The following ZNF254 variants were observed in gnomAD, a reference collection of about 807,000 sequenced individuals.
ZNF254 encodes zinc finger protein 254.
ZNF254 carries 10 observed loss-of-function variants against 12.4 expected under a neutral mutation model. The ratio of observed to expected loss-of-function variants is 0.80; its 90% CI spans 0.50 to 1.36. The LOEUF (loss-of-function observed/expected upper bound fraction) is 1.36. Ranked by LOEUF, ZNF254 falls within the 40% of genes most tolerant of loss-of-function variation. ZNF254 has a pLI of 0.00. For synonymous variants in ZNF254, 305 were observed against 253.4 expected (o/e 1.20, Z -1.93); for missense variants, 996 against 763.9 (o/e 1.30, Z -3.58).
At chr19:24,120,452 G>T (rs1171038247) in intron 3 of ZNF254, among the ~76,000 whole-genome samples, 2 of 151,980 alleles carry the variant, frequency 1.3e-5, no homozygotes. Context: ...ATTATTTTGT[G>T]TATTAACATT....
At chr19:24,122,372 C>A (rs1480002365) in intron 3 of ZNF254, among the ~76,000 whole-genome samples, 6 of 152,150 alleles carry the variant, frequency 3.9e-5, no homozygotes, top group East Asian at 1.9e-4. Context: ...TTACAGGTGA[C>A]CGCCATCATG....
intron 2 of ZNF254, among the ~76,000 whole-genome samples, chr19:24,081,666 C>T (rs898104920): frequency 4.6e-5 from 7 of 152,152 alleles, no homozygotes; most frequent in South Asian, 2.1e-4. Flanking sequence ...GCCTGTTCAG[C>T]ATAGAGGAGC....
chr19:24,068,055 G>A lies in ZNF254; in HGVS notation c.-94+21776G>A, dbSNP rs144983025. ...TTACATATCACTGCATCTGACATTA[G>A]GGGATGAGAGGCTTCTGCCTGGGCC... On this transcript the variant is annotated intron_variant, in intron 2 of 4. Transcript: ENST00000613065. Among the ~76,000 whole-genome samples, 1,208 of 152,282 alleles carry A rather than the reference G, an allele frequency of 7.9e-3. 19 individuals carry two copies. Among genetic ancestry groups the A allele is most frequent in the African/African-American group, 0.027 (1,132 of 41,566 alleles).
At chr19:24,125,564 C>T (rs986123555) in intron 3 of ZNF254, among the ~76,000 whole-genome samples, 2 of 151,918 alleles carry the variant, frequency 1.3e-5, no homozygotes, top group African/African-American at 4.8e-5. Flanking sequence ...ATGGCATATT[C>T]TGAAAACAAT....
At chr19:24,121,456 G>A (rs1447841195) in intron 3 of ZNF254, among the ~76,000 whole-genome samples, 10 of 151,984 alleles carry the variant, frequency 6.6e-5, no homozygotes, top group Admixed American at 6.6e-4. Context: ...ATTTAACTTT[G>A]TACAATTTAA....
intron 2 of ZNF254, among the ~76,000 whole-genome samples, chr19:24,063,016 G>A (rs1314762779): frequency 6.8e-6 from 1 of 147,458 alleles, no homozygotes; most frequent in Non-Finnish European, 1.5e-5. Context: ...GGTCAGGCTG[G>A]TCTTGAACTC....
chr19:24,114,685 A>G (rs1028663156), intron 3 of ZNF254, among the ~76,000 whole-genome samples: 3 of 138,912 alleles, frequency 2.2e-5, no homozygotes, highest in Admixed American at 7.2e-5. Context: ...AATGGGATCT[A>G]ATTAAACTAA....
chr19:24,060,563 A>G (rs1371340081), intron 2 of ZNF254, among the ~76,000 whole-genome samples: 2 of 152,090 alleles, frequency 1.3e-5, no homozygotes, highest in African/African-American at 4.8e-5. Context: ...AGAGCTTGTG[A>G]CCTATCTCTG....
intron 1 of ZNF254, among the ~76,000 whole-genome samples, chr19:24,044,910 G>T (rs912769049): frequency 6.6e-6 from 1 of 152,296 alleles, no homozygotes; most frequent in African/African-American, 2.4e-5. Flanking sequence ...CTTCTCAGCA[G>T]AATATGTATA....
upstream of ZNF254, among the ~76,000 whole-genome samples, chr19:24,083,373 T>C (rs1236534567): frequency 6.6e-6 from 1 of 152,124 alleles, no homozygotes; most frequent in Non-Finnish European, 1.5e-5. Context: ...GTTAGTATTG[T>C]AAAAATCATA....
At chr19:24,042,761 C>G (rs1431141640) in intron 1 of ZNF254, among the ~76,000 whole-genome samples, 1 of 152,206 alleles carries the variant, frequency 6.6e-6, no homozygotes, top group African/African-American at 2.4e-5. Context: ...TTAGTATTTA[C>G]TTTCCTCTCC....
chr19:24,126,243 T>A lies in ZNF254; in HGVS notation c.254-11T>A. 7.1e-7 allele frequency: 1 copy of A among 1,410,084 alleles called. No homozygotes were observed. Among genetic ancestry groups the A allele is most frequent in the Non-Finnish European group, 9.3e-7 (1 of 1,078,542 alleles). 87.3% of individuals were successfully genotyped at this position (1,410,084 alleles called of 1,614,324 possible). ...AGTGGAGTAATTTATTTATTTTTAT[T>A]TTTTTTTCAGGTATGTGTCCTCATT... is the stretch of plus-strand genomic sequence containing the variant. On this transcript the variant is annotated splice_polypyrimidine_tract_variant and intron_variant, in intron 3 of 3. Transcript: ENST00000357002.
intron 1 of ZNF254, among the ~76,000 whole-genome samples, chr19:24,094,455 T>C (rs564497763): frequency 6.6e-6 from 1 of 152,162 alleles, no homozygotes; most frequent in South Asian, 2.1e-4. Context: ...GAGGTGGGGT[T>C]TCACCATGTT....
intron 3 of ZNF254, among the ~76,000 whole-genome samples, chr19:24,124,759 C>T (rs932143072): frequency 4.6e-5 from 7 of 151,322 alleles, no homozygotes; most frequent in African/African-American, 1.7e-4. Flanking sequence ...TGGCACATCA[C>T]TTTTTTTCTT....
upstream of ZNF254, among the ~76,000 whole-genome samples, chr19:24,086,539 G>A (rs544593805): frequency 6.6e-6 from 1 of 151,170 alleles, no homozygotes; most frequent in South Asian, 2.1e-4. Context: ...GTGTAATGAC[G>A]CGATCCACGC....
At chr19:24,107,660 A>T (rs1311306118) in intron 3 of ZNF254, among the ~76,000 whole-genome samples, 1 of 152,142 alleles carries the variant, frequency 6.6e-6, no homozygotes. Flanking sequence ...AATTTCAATG[A>T]CTTTAAATTT....
chr19:24,119,129 ATCT>A (rs987791872), intron 3 of ZNF254, among the ~76,000 whole-genome samples: 3 of 151,754 alleles, frequency 2.0e-5, no homozygotes, highest in Non-Finnish European at 2.9e-5. Flanking sequence ...AAAAAAAGTT[ATCT>A]TCTTATGTCT....
chr19:24,125,801 T>C (rs1974793629), intron 3 of ZNF254, among the ~76,000 whole-genome samples: 1 of 152,236 alleles, frequency 6.6e-6, no homozygotes, highest in Non-Finnish European at 1.5e-5. Context: ...CCACCATTTC[T>C]TTCAGTACTT....
At chr19:24,095,665 G>A (rs1231505361) in intron 1 of ZNF254, among the ~76,000 whole-genome samples, 11 of 151,954 alleles carry the variant, frequency 7.2e-5, no homozygotes, top group African/African-American at 1.2e-4. Flanking sequence ...TGTCTTGTTT[G>A]TGTGCACAGA....
Sources: gnomAD v4.1 joint callset for allele counts (sites outside exome capture counted in the v4.1 genomes callset) on GRCh38, gnomAD v4.1.1 for gene constraint, MANE v1.5 for transcripts, NCBI Gene and HGNC (gene_info 2026-07-23, HGNC 2026-07-21) for gene names.